CSMD3: variants seen among roughly 807,000 people sequenced by gnomAD.
CSMD3 encodes the protein CUB and Sushi multiple domains 3, also known as CUB and sushi domain-containing protein 3.
In CSMD3, 177 loss-of-function variants were observed where a neutral mutation model predicts 435.2. That is an observed-to-expected ratio of 0.41 (90% CI 0.36 to 0.46). CSMD3 has a LOEUF of 0.46. Ranked by LOEUF, CSMD3 falls within the 20% of genes least tolerant of loss-of-function variation. The probability of loss-of-function intolerance (pLI) is 0.34; values close to 1 mark genes in which losing one functional copy is unlikely to be tolerated. For synonymous variants in CSMD3, 1,656 were observed against 1,520.5 expected (o/e 1.09, Z -2.07); for missense variants, 4,265 against 4,504.6 (o/e 0.95, Z 1.52).
chr8:112,405,246 T>TATATATATACACACAC lies in CSMD3; in HGVS notation c.5809+1277_5809+1278insGTGTGTGTATATATAT, dbSNP rs1199452249. Among the ~76,000 whole-genome samples the TATATATATACACACAC allele has an allele frequency of 1.0e-3, 82 of 81,494 alleles. 1 individual carries two copies. Among genetic ancestry groups the TATATATATACACACAC allele is most frequent in the African/African-American group, 4.2e-3 (79 of 18,730 alleles). 53.5% of individuals were successfully genotyped at this position (81,494 alleles called of 152,430 possible). A position where few individuals can be genotyped will look rare whatever the true frequency, so the allele number is the denominator to read the frequency against. On this transcript the variant is annotated intron_variant, in intron 35 of 70. Coordinates refer to ENST00000297405, the MANE Select transcript of CSMD3 (RefSeq NM_198123.2). ...ATATATATATATATATATATATATA[T>TATATATATACACACAC]ACATATATATATACACATATCTTAT...
intron 13 of CSMD3, among the ~76,000 whole-genome samples, chr8:112,720,444 A>T (rs2131965208): frequency 6.6e-6 from 1 of 152,312 alleles, no homozygotes; most frequent in Admixed American, 6.5e-5. Context: ...GCCTCAAAAG[A>T]TATTAAAATC....
chr8:113,326,223 C>T (rs576507991), intron 1 of CSMD3, among the ~76,000 whole-genome samples: 19 of 152,160 alleles, frequency 1.2e-4, no homozygotes, highest in Non-Finnish European at 2.1e-4. Flanking sequence ...GAAAAAGCCC[C>T]CTTGTTTCTG....
intron 23 of CSMD3, among the ~76,000 whole-genome samples, chr8:112,574,872 G>T (rs958683328): frequency 7.2e-5 from 11 of 151,920 alleles, no homozygotes; most frequent in Admixed American, 7.2e-4. Flanking sequence ...CTTACTCATG[G>T]CCTGGTATTA....
chr8:112,691,354 A>T (rs532722854), intron 13 of CSMD3, among the ~76,000 whole-genome samples: 60 of 152,160 alleles, frequency 3.9e-4, no homozygotes, highest in African/African-American at 1.3e-3. Context: ...TATCAAGGGA[A>T]GATGTTAGTA....
intron 32 of CSMD3, among the ~76,000 whole-genome samples, chr8:112,458,270 G>A (rs1817064138): frequency 6.7e-6 from 1 of 149,038 alleles, no homozygotes; most frequent in Non-Finnish European, 1.5e-5. Flanking sequence ...GCTTATTAAA[G>A]ACACTTAGCA....
At chr8:112,820,623 T>C (rs1057091990) in intron 12 of CSMD3, among the ~76,000 whole-genome samples, 1 of 151,660 alleles carries the variant, frequency 6.6e-6, no homozygotes. Context: ...AAGGTATTGG[T>C]TGTGGAATGA....
chr8:112,231,257 T>C (rs891729690), intron 69 of CSMD3, among the ~76,000 whole-genome samples: 1 of 152,372 alleles, frequency 6.6e-6, no homozygotes, highest in Middle Eastern at 3.4e-3. Context: ...TTTTCTTTTT[T>C]ATCTATATCA....
chr8:112,668,755 G>A (rs2075585832), intron 16 of CSMD3, among the ~76,000 whole-genome samples: 1 of 151,652 alleles, frequency 6.6e-6, no homozygotes, highest in Non-Finnish European at 1.5e-5. Context: ...TTTCTAGAAG[G>A]TCTACCACCA....
In CSMD3 at chr8:112,223,515, G is replaced by T. The variant is rs1812326796; in HGVS notation, c.*1256C>A. ...CATTACTGTATGATACAGTTTAAAT[G>T]AGCCACCAATAACTTACAAATACAT... On this transcript the variant is annotated 3_prime_UTR_variant, in exon 71 of 71. Transcript: ENST00000297405. 6.4e-6 allele frequency: 1 copy of T among 155,696 alleles called. No homozygotes were observed. Among genetic ancestry groups the T allele is most frequent in the South Asian group, 2.1e-4 (1 of 4,858 alleles). 9.6% of individuals were successfully genotyped at this position (155,696 alleles called of 1,614,324 possible). A position where few individuals can be genotyped will look rare whatever the true frequency, so the allele number is the denominator to read the frequency against.
chr8:112,382,851 C>T (rs1004854364), intron 37 of CSMD3, among the ~76,000 whole-genome samples: 2 of 151,998 alleles, frequency 1.3e-5, no homozygotes, highest in East Asian at 1.9e-4. Context: ...CTTAGCTGGG[C>T]GTAGTGACGC....
intron 11 of CSMD3, among the ~76,000 whole-genome samples, chr8:112,844,904 G>T (rs1018808896): frequency 6.6e-6 from 1 of 151,768 alleles, no homozygotes; most frequent in African/African-American, 2.4e-5. Context: ...TAATTTATTT[G>T]AATTCCTTAC....
At chr8:113,142,688 C>G (rs191773497) in intron 4 of CSMD3, among the ~76,000 whole-genome samples, 1 of 150,944 alleles carries the variant, frequency 6.6e-6, no homozygotes, top group East Asian at 2.0e-4. Context: ...GACAACACAA[C>G]AGAGTAACTA....
chr8:112,619,853 G>A (rs1337474247), intron 22 of CSMD3, among the ~76,000 whole-genome samples: 2 of 151,868 alleles, frequency 1.3e-5, no homozygotes, highest in Non-Finnish European at 2.9e-5. Flanking sequence ...ACAGTATCCA[G>A]TATCCATAAT....
chr8:113,045,963 C>G (rs757248794), intron 5 of CSMD3, among the ~76,000 whole-genome samples: 5 of 149,286 alleles, frequency 3.3e-5, no homozygotes, highest in Non-Finnish European at 7.5e-5. Flanking sequence ...AATTTGTAAA[C>G]GACCCTTTTT....
chr8:112,525,829 AT>A (rs1563658846), intron 27 of CSMD3, among the ~76,000 whole-genome samples: 22 of 116,022 alleles, frequency 1.9e-4, no homozygotes, highest in African/African-American at 4.4e-4. Flanking sequence ...TATAAAAAAT[AT>A]ATATATATAT....
At chr8:113,374,245 G>C (rs1477351054) in intron 1 of CSMD3, among the ~76,000 whole-genome samples, 1 of 151,934 alleles carries the variant, frequency 6.6e-6, no homozygotes, top group Non-Finnish European at 1.5e-5. Context: ...CTGATAATTA[G>C]ATTATGAAAG....
At chr8:112,579,687 T>C (rs1482224357) in intron 23 of CSMD3, among the ~76,000 whole-genome samples, 3 of 152,056 alleles carry the variant, frequency 2.0e-5, no homozygotes, top group East Asian at 1.9e-4. Flanking sequence ...TCATAAGTGC[T>C]ATTCCCAAAG....
intron 22 of CSMD3, among the ~76,000 whole-genome samples, chr8:112,613,901 T>C (rs1036652409): frequency 6.6e-6 from 1 of 152,148 alleles, no homozygotes; most frequent in African/African-American, 2.4e-5. Context: ...GGTCGGAGGA[T>C]TGCTTGAGGC....
chr8:112,597,136 G>C (rs967570586), intron 22 of CSMD3, among the ~76,000 whole-genome samples: 17 of 151,232 alleles, frequency 1.1e-4, no homozygotes, highest in Non-Finnish European at 2.2e-4. Context: ...TAATAAAGAA[G>C]AAAAGAGAGA....
Sources: allele counts gnomAD v4.1 joint callset (sites outside exome capture counted in the v4.1 genomes callset), GRCh38; gene constraint gnomAD v4.1.1; transcripts MANE v1.5; gene names NCBI Gene and HGNC (gene_info 2026-07-23, HGNC 2026-07-21).